The following H2BC5 variants were observed in gnomAD, a reference collection of about 807,000 sequenced individuals.
H2BC5 encodes the protein H2B clustered histone 5.
Under a neutral mutation model 5.7 loss-of-function variants are expected in H2BC5, and 9 were observed. The ratio of observed to expected loss-of-function variants is 1.57; its 90% confidence interval spans 0.95 to 2.74. The LOEUF (loss-of-function observed/expected upper bound fraction) is 2.74, where lower values mean the gene tolerates loss of function less well. H2BC5 is among the 30% of genes most tolerant of loss of function. The pLI is 0.00. For synonymous variants in H2BC5, 133 were observed against 70.9 expected (o/e 1.88, Z -4.40); for missense variants, 175 against 168.8 (o/e 1.04, Z -0.20).
At chr6:26,169,044 A>G (rs1764480555) in intron 1 of H2BC5, among the ~76,000 whole-genome samples, 1 of 152,176 alleles carries the variant, frequency 6.6e-6, no homozygotes, top group Admixed American at 6.5e-5. Context: ...AAAATGGAAA[A>G]AACAAATTAA....
chr6:26,159,242 G>GTTTTTTTTT (rs1226694212), downstream of H2BC5, among the ~76,000 whole-genome samples: 1 of 98,546 alleles, frequency 1.0e-5, no homozygotes, highest in African/African-American at 4.1e-5. Flanking sequence ...TTAATTTATA[G>GTTTTTTTTT]GTTTTTTTTT....
chr6:26,166,380 C>A (rs1246895927), intron 1 of H2BC5, among the ~76,000 whole-genome samples: 1 of 152,226 alleles, frequency 6.6e-6, no homozygotes, highest in East Asian at 1.9e-4. Context: ...TGCTCTGCAT[C>A]ATACCAGATA....
chr6:26,164,689 G>A (rs1190481356), intron 1 of H2BC5, among the ~76,000 whole-genome samples: 1 of 151,602 alleles, frequency 6.6e-6, no homozygotes, highest in Non-Finnish European at 1.5e-5. Flanking sequence ...TGCAACCCTG[G>A]TCCCCACACC....
downstream of H2BC5, chr6:26,160,938 T>C (rs1005130306): frequency 6.6e-6 from 1 of 151,118 alleles, no homozygotes; most frequent in African/African-American, 2.4e-5. Flanking sequence ...CCAGGCACAG[T>C]GGCTCACGCC....
intron 1 of H2BC5, among the ~76,000 whole-genome samples, chr6:26,167,605 T>TA (rs1409086502): frequency 6.6e-6 from 1 of 152,210 alleles, no homozygotes; most frequent in Non-Finnish European, 1.5e-5. Context: ...GGAAGATGAC[T>TA]ACGGAGGGTG....
downstream of H2BC5, among the ~76,000 whole-genome samples, chr6:26,159,243 GTTTTTT>G (rs35999697): frequency 4.9e-5 from 3 of 61,402 alleles, no homozygotes; most frequent in Non-Finnish European, 6.2e-5. Flanking sequence ...TAATTTATAG[GTTTTTT>G]TTTTTTTTTT....
At position 26,158,363 on chromosome 6, in the gene H2BC5, C is replaced by T. The variant is rs1764274547; in HGVS notation, c.194C>T (p.Ser65Phe). ...TCCAAGGCAATGGGGATCATGAATTCCTTCGTCAACGACATCTTCGAGCGC... is the reference window on the plus strand; with the variant it reads ...TCCAAGGCAATGGGGATCATGAATTTCTTCGTCAACGACATCTTCGAGCGC... ...ISSKAMGIMN[S>F]FVNDIFERIA... is the part of the protein sequence containing the mutation. The change falls in exon 1 of 1, where the codon TCC becomes TTC. Residue 65 changes from serine to phenylalanine, a missense_variant. Ser to Phe is a radical substitution (Grantham distance 155). Around this residue, in one of 4 missense-constraint regions of H2BC5, gnomAD observed 119 missense variants for 85.6 expected, o/e 1.39. Coordinates refer to ENST00000377777, the MANE Select transcript of H2BC5 (RefSeq NM_021063.4). 1 of 1,614,164 alleles carries T rather than the reference C, an allele frequency of 6.2e-7. No homozygotes were observed. Among genetic ancestry groups the T allele is most frequent in the Non-Finnish European group, 8.5e-7 (1 of 1,180,062 alleles).
downstream of H2BC5, among the ~76,000 whole-genome samples, chr6:26,160,514 GAAAA>G (rs34183291): frequency 7.3e-4 from 40 of 55,162 alleles, no homozygotes; most frequent in Non-Finnish European, 1.2e-3. Flanking sequence ...TCCTGTCTCT[GAAAA>G]AAAAAAAAAA....
At chr6:26,168,218 G>A (rs938875302) in intron 1 of H2BC5, among the ~76,000 whole-genome samples, 1 of 151,996 alleles carries the variant, frequency 6.6e-6, no homozygotes, top group Non-Finnish European at 1.5e-5. Context: ...CAGCACTTTG[G>A]GAGGCCAAGG....
downstream of H2BC5, chr6:26,158,690 AC>A (rs757593624): frequency 2.4e-4 from 315 of 1,307,214 alleles, 1 homozygote; most frequent in South Asian, 8.3e-4. Context: ...CTTTAATGTT[AC>A]GTTAGTACTG....
chr6:26,169,733 G>A (rs183418061), intron 1 of H2BC5, among the ~76,000 whole-genome samples: 23 of 152,060 alleles, frequency 1.5e-4, no homozygotes, highest in Non-Finnish European at 2.9e-4. Context: ...GGCTGAGGCA[G>A]GCAGATCATG....
chr6:26,158,502 C>G lies in H2BC5; in HGVS notation c.333C>G (p.Ala111=), dbSNP rs941288960. 3 of 1,614,106 alleles carry G rather than the reference C, an allele frequency of 1.9e-6. No individual in the cohort carries two copies. The highest frequency in any genetic ancestry group is 2.7e-5 in the African/African-American group (2 of 74,938). ...TTCCGGGGGAGCTGGCCAAGCACGC[C>G]GTGTCGGAGGGCACCAAGGCCGTCA... ...LLLPGELAKH[A]VSEGTKAVTK... Residue 111 remains alanine (A), a synonymous_variant, in exon 1 of 1, where the codon GCC becomes GCG. Transcript: ENST00000377777.
chr6:26,165,651 A>C (rs181659969), intron 1 of H2BC5, among the ~76,000 whole-genome samples: 50 of 152,220 alleles, frequency 3.3e-4, no homozygotes, highest in African/African-American at 1.2e-3. Flanking sequence ...GAGGCTTGGA[A>C]ATGTTTCCTG....
chr6:26,166,328 T>C (rs1426913943), intron 1 of H2BC5, among the ~76,000 whole-genome samples: 1 of 152,238 alleles, frequency 6.6e-6, no homozygotes, highest in East Asian at 1.9e-4. Flanking sequence ...GTCTCTGCTA[T>C]GACAGTGGAA....
downstream of H2BC5, among the ~76,000 whole-genome samples, chr6:26,160,427 C>T (rs1054928509): frequency 2.9e-5 from 4 of 139,198 alleles, no homozygotes; most frequent in South Asian, 2.5e-4. Context: ...GGGAGCTGGG[C>T]GTGGTGGCTA....
At position 26,158,256 on chromosome 6, in the gene H2BC5, G is replaced by C. The variant is rs114320581; in HGVS notation, c.87G>C (p.Lys29Asn). The C allele has an allele frequency of 1.2e-6, 2 of 1,614,258 alleles. 1 individual carries two copies. Among genetic ancestry groups the C allele is most frequent in the East Asian group, 4.5e-5 (2 of 44,890 alleles). The change falls in exon 1 of 1, where the codon AAG becomes AAC. Residue 29 changes from lysine to asparagine, a missense_variant. Coordinates refer to ENST00000377777, the MANE Select transcript of H2BC5 (RefSeq NM_021063.4). Reference protein sequence around the residue: ...VTKAQKKDGKKRKRSRKESYS... With the variant: ...VTKAQKKDGKNRKRSRKESYS... ...AGGCTCAGAAGAAGGACGGGAAGAA[G>C]CGCAAGCGCAGCCGCAAGGAGAGCT...
downstream of H2BC5, chr6:26,161,309 T>C (rs1764348549): frequency 6.6e-6 from 1 of 151,974 alleles, no homozygotes; most frequent in Non-Finnish European, 1.5e-5. Flanking sequence ...TAATAGAAAT[T>C]CTAGAAAATA....
chr6:26,163,846 T>C (rs1764383735), intron 1 of H2BC5, among the ~76,000 whole-genome samples: 1 of 152,178 alleles, frequency 6.6e-6, no homozygotes. Flanking sequence ...GGACCTGATC[T>C]TAGCTTACTG....
In H2BC5 at chr6:26,158,197, G is replaced by C. The variant is rs774791275; in HGVS notation, c.28G>C (p.Ala10Pro). The change falls in exon 1 of 1, where the codon GCC becomes CCC. Residue 10 changes from alanine to proline, a missense_variant. By Grantham distance (27) the Ala-to-Pro change is conservative (BLOSUM62 -1). Transcript: ENST00000377777. ...GCCTGAACCTACCAAGTCTGCTCCT[G>C]CCCCAAAGAAGGGCTCCAAGAAGGC... MPEPTKSAP[A>P]PKKGSKKAVT... 1.9e-6 allele frequency: 3 copies of C among 1,614,122 alleles called. No homozygotes were observed. The highest frequency in any genetic ancestry group is 1.7e-5 in the Admixed American group (1 of 60,022).
Sources: gnomAD v4.1 joint callset for allele counts (sites outside exome capture counted in the v4.1 genomes callset) on GRCh38, gnomAD v4.1.1 for gene constraint, gnomAD v4.1.1 regional missense constraint, MANE v1.5 for transcripts, NCBI Gene and HGNC (gene_info 2026-07-23, HGNC 2026-07-21) for gene names.